GRM8: variants seen among roughly 807,000 people sequenced by gnomAD.
The protein encoded by GRM8 is metabotropic glutamate receptor 8.
GRM8 carries 47 observed loss-of-function variants against 87.2 expected under a neutral mutation model. The observed-to-expected ratio is 0.54, with a 90% CI of 0.43 to 0.69. The LOEUF is 0.69. Ranked by LOEUF, GRM8 falls within the 30% of genes least tolerant of loss-of-function variation. The probability of loss-of-function intolerance (pLI) is 0.00; values close to 1 mark genes in which losing one functional copy is unlikely to be tolerated. For missense variants in GRM8, 1,019 were observed against 1,139.2 expected (o/e 0.89, Z 1.52); for synonymous variants, 396 against 404.5 (o/e 0.98, Z 0.25).
chr7:126,505,835 T>C (rs1486133155), intron 9 of GRM8, among the ~76,000 whole-genome samples: 1 of 152,070 alleles, frequency 6.6e-6, no homozygotes, highest in African/African-American at 2.4e-5. Flanking sequence ...TATTTTCTCT[T>C]TTTTATTCCT....
At chr7:127,025,878 T>G (rs1024433717) in intron 3 of GRM8, among the ~76,000 whole-genome samples, 2 of 152,080 alleles carry the variant, frequency 1.3e-5, no homozygotes, top group Admixed American at 6.6e-5. Context: ...ATACTTTAAG[T>G]TCTAGGGTAC....
chr7:126,574,084 C>A (rs1287888028), intron 8 of GRM8, among the ~76,000 whole-genome samples: 1 of 152,140 alleles, frequency 6.6e-6, no homozygotes, highest in African/African-American at 2.4e-5. Flanking sequence ...AAAATAAAAA[C>A]TTCAAAAGAA....
At chr7:126,678,495 G>A (rs1310587000) in intron 7 of GRM8, among the ~76,000 whole-genome samples, 1 of 152,136 alleles carries the variant, frequency 6.6e-6, no homozygotes, top group Non-Finnish European at 1.5e-5. Flanking sequence ...CTTTTGGGGG[G>A]CAAGGAGAGG....
intron 9 of GRM8, among the ~76,000 whole-genome samples, chr7:126,457,790 AAAGAT>A (rs1287199959): frequency 1.3e-5 from 2 of 150,984 alleles, no homozygotes; most frequent in African/African-American, 4.8e-5. Context: ...AGGAAATAAT[AAAGAT>A]AAAAGTCAAT....
intron 3 of GRM8, among the ~76,000 whole-genome samples, chr7:127,093,050 C>A (rs879565918): frequency 2.0e-5 from 3 of 152,200 alleles, no homozygotes; most frequent in Non-Finnish European, 4.4e-5. Flanking sequence ...GCCACAGACA[C>A]CTCAAGTGAA....
chr7:127,124,180 A>G (rs1827236406), intron 2 of GRM8, among the ~76,000 whole-genome samples: 1 of 152,110 alleles, frequency 6.6e-6, no homozygotes, highest in Non-Finnish European at 1.5e-5. Flanking sequence ...TACCTTTTAC[A>G]ACCAAACTTT....
At chr7:126,891,353 T>C (rs374467466) in intron 6 of GRM8, among the ~76,000 whole-genome samples, 1 of 152,162 alleles carries the variant, frequency 6.6e-6, no homozygotes, top group South Asian at 2.1e-4. Flanking sequence ...TCCAGTGTTA[T>C]GCCTCACCAA....
At chr7:126,464,462 T>A (rs1804263551) in intron 9 of GRM8, among the ~76,000 whole-genome samples, 1 of 151,766 alleles carries the variant, frequency 6.6e-6, no homozygotes, top group South Asian at 2.1e-4. Context: ...TTAGCCTATT[T>A]ACATTCAATG....
chr7:126,698,646 C>T (rs1809625559), intron 7 of GRM8, among the ~76,000 whole-genome samples: 1 of 152,056 alleles, frequency 6.6e-6, no homozygotes, highest in Admixed American at 6.6e-5. Flanking sequence ...CTTTCCTAAT[C>T]AAGCTATTTT....
At chr7:126,749,592 G>A (rs1351270929) in intron 7 of GRM8, among the ~76,000 whole-genome samples, 1 of 150,024 alleles carries the variant, frequency 6.7e-6, no homozygotes, top group African/African-American at 2.4e-5. Context: ...AATTAATAAA[G>A]GTCTGATTTT....
At chr7:126,602,094 T>G (rs1294587389) in intron 8 of GRM8, among the ~76,000 whole-genome samples, 9 of 138,044 alleles carry the variant, frequency 6.5e-5, no homozygotes, top group African/African-American at 2.1e-4. Context: ...TAATCCATCT[T>G]GAATTGATTT....
intron 3 of GRM8, among the ~76,000 whole-genome samples, chr7:126,960,068 A>G (rs1397737646): frequency 6.6e-6 from 1 of 152,084 alleles, no homozygotes; most frequent in Non-Finnish European, 1.5e-5. Context: ...AATCCATAGC[A>G]CCTGATGCTA....
intron 3 of GRM8, among the ~76,000 whole-genome samples, chr7:126,987,144 C>A (rs925664538): frequency 6.6e-6 from 1 of 152,174 alleles, no homozygotes; most frequent in African/African-American, 2.4e-5. Flanking sequence ...TATTTGGAAT[C>A]TGATTTAATA....
intron 7 of GRM8, among the ~76,000 whole-genome samples, chr7:126,661,159 A>C (rs1198646448): frequency 6.6e-6 from 1 of 152,236 alleles, no homozygotes; most frequent in Non-Finnish European, 1.5e-5. Context: ...TTTTACTAAA[A>C]GAGTGTAATC....
chr7:126,904,236 T>C (rs1235779668), intron 4 of GRM8, 110 bp from the exon 5 acceptor site: 1 of 883,572 alleles, frequency 1.1e-6, no homozygotes, highest in African/African-American at 1.7e-5. Context: ...GGTCACTGTT[T>C]AACAATTAAG....
At chr7:126,578,986 T>A (rs1419498) in intron 8 of GRM8, among the ~76,000 whole-genome samples, 46,961 of 152,044 alleles carry the variant, frequency 0.31, 8,141 homozygotes, top group East Asian at 0.44. Context: ...ATCTACTCTG[T>A]GTGCCAGTAA....
intron 6 of GRM8, among the ~76,000 whole-genome samples, chr7:126,797,026 T>C (rs1322978959): frequency 1.3e-5 from 2 of 151,956 alleles, no homozygotes; most frequent in African/African-American, 2.4e-5. Context: ...AATGGGAGAG[T>C]CTAATTGGAC....
At chr7:126,851,630 T>C (rs1038891150) in intron 6 of GRM8, among the ~76,000 whole-genome samples, 1 of 152,154 alleles carries the variant, frequency 6.6e-6, no homozygotes, top group Non-Finnish European at 1.5e-5. Context: ...CCCAGATGAC[T>C]GTTCAGGGCC....
chr7:127,227,092 G>A (rs1797377195), intron 2 of GRM8, among the ~76,000 whole-genome samples: 2 of 152,218 alleles, frequency 1.3e-5, no homozygotes, highest in Admixed American at 6.5e-5. Context: ...TTAAGTTTAG[G>A]TTAAAGGAGC....
Sources: gnomAD v4.1 joint callset for allele counts (sites outside exome capture counted in the v4.1 genomes callset) on GRCh38, gnomAD v4.1.1 for gene constraint, MANE v1.5 for transcripts, NCBI Gene and HGNC (gene_info 2026-07-23, HGNC 2026-07-21) for gene names.